Variants in TRABD2B observed in about 807,000 individuals in gnomAD.
TRABD2B encodes metalloprotease TIKI2.
In TRABD2B, 14 loss-of-function variants were observed where a neutral mutation model predicts 40.1. The ratio of observed to expected loss-of-function variants is 0.35; its 90% confidence interval spans 0.23 to 0.55. The LOEUF (loss-of-function observed/expected upper bound fraction) is 0.55, where lower values mean the gene tolerates loss of function less well. TRABD2B is among the 20% of genes least tolerant of loss of function. The pLI is 0.90. For synonymous variants in TRABD2B, 263 were observed against 277.0 expected (o/e 0.95, Z 0.50); for missense variants, 541 against 648.6 (o/e 0.83, Z 1.80).
chr1:47,844,856 C>CA (rs1233612714), intron 2 of TRABD2B, among the ~76,000 whole-genome samples: 5 of 152,184 alleles, frequency 3.3e-5, no homozygotes, highest in Admixed American at 3.3e-4. Flanking sequence ...CTTAGACACT[C>CA]AGAGTCAGAC....
Position 47,847,426 on chromosome 1 carries a change from G to T in TRABD2B, c.667-45807C>A, listed in dbSNP as rs545178439. ...ATGGCCAGCACAGTGGCTGGCATGGGTCATTATGCATGGAAATATGTCGGG... is the reference window on the plus strand; with the variant it reads ...ATGGCCAGCACAGTGGCTGGCATGGTTCATTATGCATGGAAATATGTCGGG... On this transcript the variant is annotated intron_variant, in intron 2 of 6. Transcript: ENST00000606738. Among the ~76,000 whole-genome samples, 7 of 152,320 alleles carry T rather than the reference G, an allele frequency of 4.6e-5. No homozygotes were observed. The East Asian group carries it at 1.2e-3, about 25-fold the overall frequency.
intron 2 of TRABD2B, among the ~76,000 whole-genome samples, chr1:47,822,119 C>T (rs1373222834): frequency 2.0e-5 from 3 of 149,830 alleles, no homozygotes; most frequent in Non-Finnish European, 3.0e-5. Context: ...AATAGATGCA[C>T]ACAGACCTCT....
chr1:47,870,763 C>G (rs146606851), intron 2 of TRABD2B, among the ~76,000 whole-genome samples: 51 of 152,278 alleles, frequency 3.3e-4, no homozygotes, highest in African/African-American at 1.2e-3. Context: ...TAAATGGGAA[C>G]AAAGTGCAGC....
rs541790975 is a variant in TRABD2B at position 47,801,543 on chromosome 1, G to A, written c.743C>T (p.Thr248Met). The change falls in exon 3 of 7, where the codon ACG (threonine) becomes ATG (methionine). Residue 248 changes from threonine (T) to methionine (M), a missense_variant. Around this residue, in one of 2 missense-constraint regions of TRABD2B, gnomAD observed 369 missense variants for 492.8 expected, o/e 0.75. Coordinates refer to ENST00000606738, the MANE Select transcript of TRABD2B (RefSeq NM_001194986.2). The part of the protein sequence containing the change: ...RAGSLQASYT[T>M]EDLIKHYNCG... ...GTTGTAGTGCTTGATGAGGTCCTCC[G>A]TGGTGTAGGAGGCCTGCAGGCTCCC... 9.1e-6 allele frequency: 14 copies of A among 1,536,096 alleles called. No homozygotes were observed. The highest frequency in any genetic ancestry group is 4.8e-5 in the South Asian group (4 of 84,050).
At chr1:47,940,095 C>T (rs1320392858) in intron 2 of TRABD2B, among the ~76,000 whole-genome samples, 1 of 152,240 alleles carries the variant, frequency 6.6e-6, no homozygotes, top group Non-Finnish European at 1.5e-5. Context: ...GCCCTGATCA[C>T]CATGTGGTTT....
rs1324876468 is a variant in TRABD2B at position 47,996,460 on chromosome 1, C to A, written c.102+228G>T. Among the ~76,000 whole-genome samples the A allele has an allele frequency of 1.3e-5, 2 of 152,134 alleles. No homozygotes were observed. The highest frequency in any genetic ancestry group is 2.9e-5 in the Non-Finnish European group (2 of 68,002). On this transcript the variant is annotated intron_variant, in intron 1 of 6. Coordinates refer to ENST00000606738, the MANE Select transcript of TRABD2B (RefSeq NM_001194986.2). This position sits in a 1 kb window ranked among gnomAD's most constrained non-coding sequence, Gnocchi z 4.6. The stretch of plus-strand genomic sequence containing the variant: ...ACAAGTCAAGAGGAGAGCCCCAGAG[C>A]GGCAGCGTGTGGAGAAGGAACCGGA...
At chr1:47,990,101 A>G (rs978938293) in intron 2 of TRABD2B, among the ~76,000 whole-genome samples, 1 of 152,242 alleles carries the variant, frequency 6.6e-6, no homozygotes, top group Admixed American at 6.5e-5. Flanking sequence ...AGGGACTTGT[A>G]GAATTTTACA....
At chr1:47,831,314 T>C (rs547889706) in intron 2 of TRABD2B, among the ~76,000 whole-genome samples, 1 of 152,298 alleles carries the variant, frequency 6.6e-6, no homozygotes, top group South Asian at 2.1e-4. Context: ...CAAGACTGCA[T>C]GGAGTTTAAA....
At chr1:47,822,023 G>A (rs573693241) in intron 2 of TRABD2B, among the ~76,000 whole-genome samples, 1 of 152,028 alleles carries the variant, frequency 6.6e-6, no homozygotes, top group African/African-American at 2.4e-5. Context: ...GCACAAACAC[G>A]TGCATGCACA....
In TRABD2B at chr1:47,783,057, G is replaced by C. The variant is rs74569054; in HGVS notation, c.989-4513C>G. ...TGGGGTGGGGGGGTTGCGGCACACA[G>C]AGCCATGCAGACAAAGAGAGGGAGA... On this transcript the variant is annotated intron_variant, in intron 4 of 6. Transcript: ENST00000606738. 8.7e-3 allele frequency among the ~76,000 whole-genome samples: 1,326 copies of C among 152,284 alleles called. 23 individuals are homozygous for C. Among genetic ancestry groups the C allele is most frequent in the African/African-American group, 0.03 (1,264 of 41,564 alleles).
intron 2 of TRABD2B, among the ~76,000 whole-genome samples, chr1:47,871,439 C>T (rs1305467757): frequency 6.6e-6 from 1 of 152,132 alleles, no homozygotes; most frequent in Non-Finnish European, 1.5e-5. Context: ...AAAAACAAAC[C>T]AGCCCCCACA....
intron 2 of TRABD2B, among the ~76,000 whole-genome samples, chr1:47,983,831 C>A (rs1306850578): frequency 6.0e-5 from 9 of 151,252 alleles, no homozygotes; most frequent in Non-Finnish European, 1.0e-4. Flanking sequence ...GGAGGGAACG[C>A]GGTCGTGCAT....
chr1:47,965,543 G>A (rs1263361812), intron 2 of TRABD2B, among the ~76,000 whole-genome samples: 1 of 152,054 alleles, frequency 6.6e-6, no homozygotes, highest in Non-Finnish European at 1.5e-5. Flanking sequence ...TGTCTGCCCT[G>A]CTGACCCGGG....
intron 3 of TRABD2B, among the ~76,000 whole-genome samples, chr1:47,799,697 AC>A (rs1433935775): frequency 4.0e-5 from 6 of 151,826 alleles, no homozygotes; most frequent in Admixed American, 3.9e-4. Context: ...TACTCTCAGC[AC>A]CCCTCTCCGG....
chr1:47,872,563 G>C (rs1194766977), intron 2 of TRABD2B, among the ~76,000 whole-genome samples: 2 of 152,198 alleles, frequency 1.3e-5, no homozygotes, highest in Non-Finnish European at 2.9e-5. Flanking sequence ...TGGGGAGGCA[G>C]CTGAGCAGAA....
intron 2 of TRABD2B, among the ~76,000 whole-genome samples, chr1:47,834,323 G>T (rs913122450): frequency 1.3e-5 from 2 of 152,160 alleles, no homozygotes; most frequent in Admixed American, 1.3e-4. Context: ...AAGCTTTAAA[G>T]GAAAAGCTAG....
At chr1:47,847,822 T>C (rs1037346678) in intron 2 of TRABD2B, among the ~76,000 whole-genome samples, 5 of 152,216 alleles carry the variant, frequency 3.3e-5, no homozygotes, top group African/African-American at 9.6e-5. Context: ...TCAGAACTTG[T>C]AGGAAACGGC....
At chr1:47,816,592 G>A (rs956021965) in intron 2 of TRABD2B, among the ~76,000 whole-genome samples, 7 of 152,050 alleles carry the variant, frequency 4.6e-5, no homozygotes, top group African/African-American at 1.7e-4. Context: ...TCCTTAACTT[G>A]TAATATTTCA....
At chr1:47,834,081 A>C (rs1645286369) in intron 2 of TRABD2B, among the ~76,000 whole-genome samples, 1 of 152,208 alleles carries the variant, frequency 6.6e-6, no homozygotes, top group South Asian at 2.1e-4. Context: ...ACTGGGTTGG[A>C]GCTCCTTCAA....
Sources: allele counts gnomAD v4.1 joint callset (sites outside exome capture counted in the v4.1 genomes callset), GRCh38; gene constraint gnomAD v4.1.1; regional missense constraint gnomAD v4.1.1; non-coding constraint Gnocchi (gnomAD v3.1); transcripts MANE v1.5; gene names NCBI Gene and HGNC (gene_info 2026-07-23, HGNC 2026-07-21).